CCDC148: variants seen among roughly 807,000 people sequenced by gnomAD.
The protein encoded by CCDC148 is coiled-coil domain-containing protein 148.
Under a neutral mutation model 85.7 loss-of-function variants are expected in CCDC148, and 89 were observed. That is an observed-to-expected ratio of 1.04 (90% CI 0.87 to 1.24). The LOEUF is 1.24. CCDC148 is among the 50% of genes most tolerant of loss of function. The pLI is 0.00. For synonymous variants in CCDC148, 230 were observed against 213.9 expected, an observed-to-expected ratio of 1.08 and a Z score of -0.66; for missense variants, 692 against 671.7, an observed-to-expected ratio of 1.03 and a Z score of -0.33.
intron 1 of CCDC148, among the ~76,000 whole-genome samples, chr2:158,368,434 C>T (rs563115572): frequency 1.8e-4 from 27 of 152,216 alleles, no homozygotes; most frequent in African/African-American, 6.3e-4. Flanking sequence ...AAAGTGGCCA[C>T]ATCAGCCTGT....
At chr2:158,356,270 A>C in intron 2 of CCDC148, among the ~76,000 whole-genome samples, 1 of 143,842 alleles carries the variant, frequency 7.0e-6, no homozygotes, top group Non-Finnish European at 1.5e-5. Context: ...CAGCAAAAGA[A>C]ACTACCATCA....
At chr2:158,309,666 T>TTA in intron 8 of CCDC148, 27 bp from the exon 9 acceptor site, 2 of 1,456,962 alleles carry the variant, frequency 1.4e-6, no homozygotes, top group Non-Finnish European at 1.9e-6. Flanking sequence ...GGGTGAATAC[T>TTA]TATCATTATG....
At chr2:158,394,750 C>G (rs993940388) in intron 1 of CCDC148, among the ~76,000 whole-genome samples, 1 of 152,050 alleles carries the variant, frequency 6.6e-6, no homozygotes, top group Non-Finnish European at 1.5e-5. Context: ...TAGGGCCTCT[C>G]TCCTTGAGGT....
intron 9 of CCDC148, among the ~76,000 whole-genome samples, chr2:158,260,087 T>G (rs1689157328): frequency 6.6e-6 from 1 of 150,796 alleles, no homozygotes; most frequent in African/African-American, 2.5e-5. Context: ...TTTTCTTGTC[T>G]GTTTTTCTCT....
intron 2 of CCDC148, among the ~76,000 whole-genome samples, chr2:158,345,814 A>T (rs1682968125): frequency 6.6e-6 from 1 of 152,192 alleles, no homozygotes; most frequent in African/African-American, 2.4e-5. Flanking sequence ...ATTGGCTTCT[A>T]TCTGATCCCT....
At chr2:158,350,623 A>AT (rs1189780463) in intron 2 of CCDC148, among the ~76,000 whole-genome samples, 1 of 152,154 alleles carries the variant, frequency 6.6e-6, no homozygotes, top group Non-Finnish European at 1.5e-5. Flanking sequence ...AAGTAGCATA[A>AT]TTTCTATTAT....
intron 11 of CCDC148, among the ~76,000 whole-genome samples, chr2:158,200,707 T>C (rs147018828): frequency 6.6e-6 from 1 of 152,302 alleles, no homozygotes; most frequent in East Asian, 1.9e-4. Context: ...TGATGCTAAA[T>C]CAGTACACTT....
At chr2:158,433,270 A>ATATATATATATATATATG (rs1316265695) in intron 1 of CCDC148, among the ~76,000 whole-genome samples, 2 of 129,158 alleles carry the variant, frequency 1.5e-5, no homozygotes, top group African/African-American at 5.2e-5. Context: ...AAATATATAT[A>ATATATATATATATATATG]TATATATAAA....
chr2:158,423,102 C>T (rs1259812700), intron 1 of CCDC148, among the ~76,000 whole-genome samples: 2 of 152,166 alleles, frequency 1.3e-5, no homozygotes, highest in Non-Finnish European at 2.9e-5. Flanking sequence ...AATGGAAGAA[C>T]ATTCCATGCT....
chr2:158,288,234 G>A (rs997360979), intron 9 of CCDC148, among the ~76,000 whole-genome samples: 10 of 152,164 alleles, frequency 6.6e-5, no homozygotes, highest in Non-Finnish European at 1.5e-4. Context: ...ACATGCCCTG[G>A]AGACATTCTC....
At chr2:158,418,269 G>A (rs539683157) in intron 1 of CCDC148, among the ~76,000 whole-genome samples, 170 of 151,828 alleles carry the variant, frequency 1.1e-3, no homozygotes, top group African/African-American at 4.0e-3. Flanking sequence ...TAATTTCTAA[G>A]GAATCTTTCC....
chr2:158,290,402 A>T (rs913535386), intron 9 of CCDC148, among the ~76,000 whole-genome samples: 1 of 152,058 alleles, frequency 6.6e-6, no homozygotes, highest in Admixed American at 6.5e-5. Flanking sequence ...CTACAGTTCG[A>T]CTGTTTAGCC....
intron 13 of CCDC148, among the ~76,000 whole-genome samples, chr2:158,174,986 T>C (rs1684504433): frequency 1.3e-5 from 2 of 152,054 alleles, no homozygotes; most frequent in South Asian, 4.1e-4. Context: ...TACTTGCTAC[T>C]ACTGGTCAAA....
At chr2:158,445,847 C>T (rs1688136167) in intron 1 of CCDC148, among the ~76,000 whole-genome samples, 4 of 151,848 alleles carry the variant, frequency 2.6e-5, no homozygotes, top group Non-Finnish European at 2.9e-5. Context: ...ATAGACAATT[C>T]GAATAAATGT....
At chr2:158,354,929 C>T (rs1339673130) in intron 2 of CCDC148, among the ~76,000 whole-genome samples, 4 of 151,838 alleles carry the variant, frequency 2.6e-5, no homozygotes, top group Admixed American at 1.3e-4. Flanking sequence ...TCAATATACG[C>T]AAATCAATAA....
intron 1 of CCDC148, among the ~76,000 whole-genome samples, chr2:158,435,690 TAA>T (rs1192283099): frequency 3.9e-5 from 6 of 151,990 alleles, no homozygotes; most frequent in South Asian, 2.1e-4. Context: ...GCAAATTGGA[TAA>T]AGAGTCAAGA....
intron 9 of CCDC148, among the ~76,000 whole-genome samples, chr2:158,306,093 A>C (rs1335570770): frequency 1.3e-5 from 2 of 152,194 alleles, no homozygotes; most frequent in Non-Finnish European, 2.9e-5. Context: ...TGATTGCCAA[A>C]GGCTGGAGGT....
chr2:158,431,949 G>A (rs897826953), intron 1 of CCDC148, among the ~76,000 whole-genome samples: 2 of 151,750 alleles, frequency 1.3e-5, no homozygotes, highest in African/African-American at 4.8e-5. Context: ...ATACCAGATG[G>A]AAAAAATATG....
At chr2:158,278,497 C>T (rs893373814) in intron 9 of CCDC148, among the ~76,000 whole-genome samples, 17 of 152,322 alleles carry the variant, frequency 1.1e-4, no homozygotes, top group South Asian at 2.1e-4. Flanking sequence ...CTGGGAGGGT[C>T]CTTCACCCAT....
Sources: allele counts gnomAD v4.1 joint callset (sites outside exome capture counted in the v4.1 genomes callset), GRCh38; gene constraint gnomAD v4.1.1; transcripts MANE v1.5; gene names NCBI Gene and HGNC (gene_info 2026-07-23, HGNC 2026-07-21).